Variants in KHDRBS2 observed in about 807,000 individuals in gnomAD.
KHDRBS2 encodes KH domain-containing, RNA-binding, signal transduction-associated protein 2.
KHDRBS2 carries 26 observed loss-of-function variants against 44.3 expected under a neutral mutation model. That is an observed-to-expected ratio of 0.59 (90% CI 0.43 to 0.81). KHDRBS2 has a LOEUF of 0.81. Ranked by LOEUF, KHDRBS2 falls within the 40% of genes least tolerant of loss-of-function variation. The pLI is 0.00. For synonymous variants in KHDRBS2, 194 were observed against 151.1 expected (o/e 1.28, Z -2.08); for missense variants, 476 against 433.1 (o/e 1.10, Z -0.88).
At chr6:62,171,798 A>G (rs1820070245) in intron 2 of KHDRBS2, among the ~76,000 whole-genome samples, 1 of 152,166 alleles carries the variant, frequency 6.6e-6, no homozygotes, top group African/African-American at 2.4e-5. Context: ...AAAATAAACT[A>G]CAACCAATAA....
intron 1 of KHDRBS2, among the ~76,000 whole-genome samples, chr6:62,254,710 T>C (rs1308868672): frequency 6.6e-6 from 1 of 151,966 alleles, no homozygotes; most frequent in African/African-American, 2.4e-5. Context: ...GGTCATAAAA[T>C]AGACAGCAGC....
At chr6:62,009,610 T>G (rs945459113) in intron 3 of KHDRBS2, among the ~76,000 whole-genome samples, 7 of 151,890 alleles carry the variant, frequency 4.6e-5, no homozygotes, top group Non-Finnish European at 1.5e-5. Context: ...GGAGGAAAAG[T>G]GGTTTTGTGG....
intron 4 of KHDRBS2, among the ~76,000 whole-genome samples, chr6:61,912,905 A>G (rs1182230596): frequency 6.6e-6 from 1 of 152,126 alleles, no homozygotes; most frequent in Non-Finnish European, 1.5e-5. Context: ...TTCCGTCTCC[A>G]ACGCCATATC....
intron 1 of KHDRBS2, among the ~76,000 whole-genome samples, chr6:62,220,497 A>G (rs1830731660): frequency 6.6e-6 from 1 of 151,930 alleles, no homozygotes; most frequent in South Asian, 2.1e-4. Flanking sequence ...ACACACAAGT[A>G]CATAGTTAAA....
intron 6 of KHDRBS2, among the ~76,000 whole-genome samples, chr6:61,846,434 A>G (rs368740193): frequency 3.9e-4 from 60 of 152,306 alleles, no homozygotes; most frequent in African/African-American, 1.3e-3. Flanking sequence ...TTCATGTATT[A>G]CTACTTTCCT....
chr6:62,179,526 T>A (rs1471981429), intron 1 of KHDRBS2, among the ~76,000 whole-genome samples: 1 of 151,736 alleles, frequency 6.6e-6, no homozygotes, highest in African/African-American at 2.4e-5. Context: ...AGAATAAACT[T>A]TTGATCACTG....
intron 8 of KHDRBS2, among the ~76,000 whole-genome samples, chr6:61,684,775 T>C (rs1477844193): frequency 1.3e-5 from 2 of 151,800 alleles, no homozygotes; most frequent in Non-Finnish European, 2.9e-5. Flanking sequence ...ATGGGTTACA[T>C]AATTGTGAAT....
the KHDRBS2 span, among the ~76,000 whole-genome samples, chr6:61,638,591 G>T: frequency 6.6e-6 from 1 of 152,062 alleles, no homozygotes; most frequent in Non-Finnish European, 1.5e-5. Flanking sequence ...CAGGGCATAG[G>T]CATGGGCAAG....
At chr6:61,987,996 C>T (rs1775386310) in intron 3 of KHDRBS2, among the ~76,000 whole-genome samples, 1 of 152,086 alleles carries the variant, frequency 6.6e-6, no homozygotes, top group Non-Finnish European at 1.5e-5. Flanking sequence ...ATCAAAAGAA[C>T]CAAGGGTGAT....
chr6:61,943,312 A>G (rs1176421319), intron 4 of KHDRBS2, among the ~76,000 whole-genome samples: 1 of 152,106 alleles, frequency 6.6e-6, no homozygotes, highest in Admixed American at 6.5e-5. Context: ...AGCATATGAA[A>G]GTACGGTAAA....
intron 2 of KHDRBS2, among the ~76,000 whole-genome samples, chr6:62,087,971 T>C (rs1798729016): frequency 1.3e-5 from 2 of 152,214 alleles, no homozygotes; most frequent in African/African-American, 4.8e-5. Context: ...TCCTTTCTTC[T>C]GCTTTATCGA....
At chr6:62,118,709 C>G (rs1341462471) in intron 2 of KHDRBS2, among the ~76,000 whole-genome samples, 1 of 152,096 alleles carries the variant, frequency 6.6e-6, no homozygotes, top group African/African-American at 2.4e-5. Context: ...ATGCAGAAAG[C>G]AGATTGGCAG....
At chr6:62,215,451 T>C (rs1029503447) in intron 1 of KHDRBS2, among the ~76,000 whole-genome samples, 9 of 151,746 alleles carry the variant, frequency 5.9e-5, no homozygotes, top group Non-Finnish European at 8.8e-5. Context: ...TCCCTGCAGA[T>C]AGAAGGAACT....
chr6:61,600,928 T>C, the KHDRBS2 span, among the ~76,000 whole-genome samples: 1 of 152,182 alleles, frequency 6.6e-6, no homozygotes, highest in Admixed American at 6.5e-5. Context: ...AGATGCGTTT[T>C]ATCTATGGAC....
the KHDRBS2 span, among the ~76,000 whole-genome samples, chr6:61,610,498 A>T: frequency 2.0e-5 from 3 of 152,158 alleles, no homozygotes; most frequent in African/African-American, 7.2e-5. Context: ...TGCAACTAAG[A>T]CAATGGCTGA....
chr6:61,790,380 C>CTT (rs1475187528), intron 6 of KHDRBS2, among the ~76,000 whole-genome samples: 3 of 149,182 alleles, frequency 2.0e-5, no homozygotes, highest in African/African-American at 7.4e-5. Context: ...TTAATCAAAG[C>CTT]TTTCACAGTA....
rs190376215 is a variant in KHDRBS2 at position 62,044,449 on chromosome 6, A to G, written c.336+3429T>C. On this transcript the variant is annotated intron_variant, in intron 3 of 8. Transcript: ENST00000281156. ...TGCAGTGAGCTGTGATTGCACCACA[A>G]TAGTACCACTGCAGTCCAGCCTGGG... Among the ~76,000 whole-genome samples, 109 of 152,128 alleles carry G rather than the reference A, an allele frequency of 7.2e-4. 1 individual carries two copies. The highest frequency in any genetic ancestry group is 6.6e-3 in the East Asian group (34 of 5,148).
At chr6:61,916,688 G>A (rs976752470) in intron 4 of KHDRBS2, among the ~76,000 whole-genome samples, 1 of 151,766 alleles carries the variant, frequency 6.6e-6, no homozygotes, top group Non-Finnish European at 1.5e-5. Context: ...AAATCAACAA[G>A]AAGAAAACAA....
At chr6:61,750,567 A>G (rs987793810) in intron 6 of KHDRBS2, among the ~76,000 whole-genome samples, 13 of 152,132 alleles carry the variant, frequency 8.5e-5, no homozygotes, top group Admixed American at 2.6e-4. Flanking sequence ...TAACCCACCA[A>G]TGGTGCTTGG....
Sources: gnomAD v4.1 joint callset for allele counts (sites outside exome capture counted in the v4.1 genomes callset) on GRCh38, gnomAD v4.1.1 for gene constraint, MANE v1.5 for transcripts, NCBI Gene and HGNC (gene_info 2026-07-23, HGNC 2026-07-21) for gene names.